The following TPRG1 variants were observed in gnomAD, a reference collection of about 807,000 sequenced individuals.
TPRG1 encodes tumor protein p63-regulated gene 1 protein.
A neutral mutation model predicts 29.3 loss-of-function variants in TPRG1; 29 were observed. That is an observed-to-expected ratio of 0.99 (90% CI 0.74 to 1.35). The LOEUF (loss-of-function observed/expected upper bound fraction) is 1.35. Ranked by LOEUF, TPRG1 falls within the 40% of genes most tolerant of loss-of-function variation. TPRG1 has a pLI of 0.00. For synonymous variants in TPRG1, 130 were observed against 116.8 expected, an observed-to-expected ratio of 1.11 and a Z score of -0.73; for missense variants, 327 against 335.0, an observed-to-expected ratio of 0.98 and a Z score of 0.19.
At chr3:189,274,641 A>C (rs1715789657) in intron 4 of TPRG1, among the ~76,000 whole-genome samples, 1 of 152,168 alleles carries the variant, frequency 6.6e-6, no homozygotes, top group Admixed American at 6.5e-5. Flanking sequence ...TACTTTCAGT[A>C]AACTTTGACC....
At position 189,222,470 on chromosome 3, in the gene TPRG1, C is replaced by T. The variant is rs1578895048; in HGVS notation, c.302+7087C>T. On this transcript the variant is annotated intron_variant, in intron 3 of 5. Coordinates refer to ENST00000345063, the MANE Select transcript of TPRG1 (RefSeq NM_198485.4). Reference sequence around the variant, plus strand: ...AACCCCATGGATTTTTGTACGCGCTCATCTAGTCTAGACCCCTGGTACTCA... The same window carrying T: ...AACCCCATGGATTTTTGTACGCGCTTATCTAGTCTAGACCCCTGGTACTCA... Among the ~76,000 whole-genome samples, 4 of 152,136 alleles carry T rather than the reference C, an allele frequency of 2.6e-5. No homozygotes were observed. In the South Asian group the frequency reaches 8.3e-4, roughly 32 times the overall value.
chr3:189,043,402 TG>T (rs1312863435), intron 4 of TPRG1, among the ~76,000 whole-genome samples: 2 of 152,236 alleles, frequency 1.3e-5, no homozygotes, highest in Non-Finnish European at 2.9e-5. Flanking sequence ...TCGTGCAAGA[TG>T]TTTCTTTCTT....
intron 3 of TPRG1, among the ~76,000 whole-genome samples, chr3:189,022,771 C>G (rs9842428): frequency 7.2e-5 from 11 of 152,224 alleles, no homozygotes; most frequent in South Asian, 2.1e-4. Flanking sequence ...TGGAACTTCC[C>G]GGCTGCTTTG....
At chr3:189,080,047 G>A (rs1023610126) in intron 4 of TPRG1, among the ~76,000 whole-genome samples, 1 of 152,142 alleles carries the variant, frequency 6.6e-6, no homozygotes, top group Admixed American at 6.5e-5. Flanking sequence ...ACGAATAAAT[G>A]AGAAAATTTA....
At chr3:189,292,532 A>G (rs1476314716) in intron 4 of TPRG1, among the ~76,000 whole-genome samples, 1 of 152,092 alleles carries the variant, frequency 6.6e-6, no homozygotes, top group Non-Finnish European at 1.5e-5. Flanking sequence ...GGCTGTGGGG[A>G]GATTAACAGA....
chr3:189,195,298 T>C (rs554091132), intron 1 of TPRG1, among the ~76,000 whole-genome samples: 22 of 152,280 alleles, frequency 1.4e-4, no homozygotes, highest in African/African-American at 5.1e-4. Context: ...GTGGCTTCTC[T>C]TAGTGGCTAA....
chr3:189,175,350 T>C (rs1729345133), intron 1 of TPRG1, among the ~76,000 whole-genome samples: 1 of 152,156 alleles, frequency 6.6e-6, no homozygotes, highest in African/African-American at 2.4e-5. Flanking sequence ...CTATTTGAAG[T>C]ATATTTGAAG....
At chr3:189,065,510 T>G (rs1716378898) in intron 4 of TPRG1, among the ~76,000 whole-genome samples, 1 of 151,986 alleles carries the variant, frequency 6.6e-6, no homozygotes, top group Non-Finnish European at 1.5e-5. Flanking sequence ...GAAAAGTGAC[T>G]TAACACTCAA....
chr3:189,082,811 G>A (rs1049071321), intron 4 of TPRG1, among the ~76,000 whole-genome samples: 5 of 152,114 alleles, frequency 3.3e-5, no homozygotes, highest in African/African-American at 9.7e-5. Flanking sequence ...CAAGCATAGC[G>A]GAATATTTGA....
At chr3:189,277,994 C>G (rs1716460240) in intron 4 of TPRG1, among the ~76,000 whole-genome samples, 1 of 152,146 alleles carries the variant, frequency 6.6e-6, no homozygotes, top group Admixed American at 6.6e-5. Flanking sequence ...TCTTTGTATC[C>G]ATAAGCACCT....
At chr3:189,155,152 G>C (rs1726500624) in intron 5 of TPRG1, among the ~76,000 whole-genome samples, 1 of 152,154 alleles carries the variant, frequency 6.6e-6, no homozygotes, top group African/African-American at 2.4e-5. Flanking sequence ...AAAGCCAGGA[G>C]GTGGCTGGGC....
chr3:189,097,341 G>GT, upstream of TPRG1, among the ~76,000 whole-genome samples: 1 of 152,238 alleles, frequency 6.6e-6, no homozygotes, highest in East Asian at 1.9e-4. Context: ...GCTTCACTTT[G>GT]TTCATTACTG....
chr3:189,041,776 C>A (rs1466276672), intron 4 of TPRG1, among the ~76,000 whole-genome samples: 1 of 152,186 alleles, frequency 6.6e-6, no homozygotes, highest in East Asian at 1.9e-4. Context: ...TTGGGGAAAA[C>A]CCCAGCAGAT....
At chr3:189,050,207 GAA>G (rs548678534) in intron 4 of TPRG1, among the ~76,000 whole-genome samples, 110 of 151,986 alleles carry the variant, frequency 7.2e-4, no homozygotes, top group African/African-American at 2.6e-3. Context: ...ACCGAGAAAA[GAA>G]GAGAGAAAAT....
chr3:189,281,380 GTA>G (rs2109138087), intron 4 of TPRG1, among the ~76,000 whole-genome samples: 1 of 152,304 alleles, frequency 6.6e-6, no homozygotes, highest in East Asian at 1.9e-4. Flanking sequence ...TGTTGGGTCT[GTA>G]TGTGAAACTT....
intron 2 of TPRG1, among the ~76,000 whole-genome samples, chr3:189,131,772 A>C (rs963396607): frequency 6.6e-6 from 1 of 152,206 alleles, no homozygotes; most frequent in Non-Finnish European, 1.5e-5. Context: ...CCAGAGGCAT[A>C]TTATTATGCT....
intron 3 of TPRG1, among the ~76,000 whole-genome samples, chr3:189,018,000 A>G (rs955151522): frequency 6.6e-6 from 1 of 150,736 alleles, no homozygotes; most frequent in Non-Finnish European, 1.5e-5. Flanking sequence ...GCATTTTTTC[A>G]TGTGTTTTTT....
At chr3:189,149,876 C>G (rs1267966590) in intron 4 of TPRG1, among the ~76,000 whole-genome samples, 1 of 152,168 alleles carries the variant, frequency 6.6e-6, no homozygotes, top group Non-Finnish European at 1.5e-5. Flanking sequence ...TGTTAACTTT[C>G]ATTGCATGAC....
At chr3:189,117,871 C>T (rs1011016614) in intron 1 of TPRG1, among the ~76,000 whole-genome samples, 1 of 152,180 alleles carries the variant, frequency 6.6e-6, no homozygotes, top group African/African-American at 2.4e-5. Context: ...TCAGGTATTT[C>T]TTCATAGCAG....
Sources: allele counts gnomAD v4.1 joint callset (sites outside exome capture counted in the v4.1 genomes callset), GRCh38; gene constraint gnomAD v4.1.1; transcripts MANE v1.5; gene names NCBI Gene and HGNC (gene_info 2026-07-23, HGNC 2026-07-21).